The following MAP2 variants were observed in gnomAD, a reference collection of about 807,000 sequenced individuals.
The protein encoded by MAP2 is microtubule-associated protein 2.
In MAP2, 14 loss-of-function variants were observed where a neutral mutation model predicts 137.6. The observed-to-expected ratio is 0.10, with a 90% CI of 0.07 to 0.16. The LOEUF (loss-of-function observed/expected upper bound fraction) is 0.16. Among genes scored for constraint, MAP2 ranks in the 10% least tolerant of loss-of-function variants. The pLI is 1.00. For synonymous variants in MAP2, 786 were observed against 782.3 expected, an observed-to-expected ratio of 1.00 and a Z score of -0.08; for missense variants, 2,088 against 2,191.5, an observed-to-expected ratio of 0.95 and a Z score of 0.94.
Position 209,695,101 on chromosome 2 carries a change from C to G in MAP2, c.2931C>G (p.Ala977=). The change falls in exon 8 of 16, where the codon GCC becomes GCG. Residue 977 remains alanine, a synonymous_variant. Coordinates refer to ENST00000682079, the MANE Select transcript of MAP2 (RefSeq NM_001375505.1). ...SEEHADSKEH[A]KKTEEAGDEI... is the part of the protein sequence containing the mutation. ...AACATGCTGATTCAAAAGAACATGCCAAGAAAACTGAAGAGGCTGGTGATG... is the reference window on the plus strand; with the variant it reads ...AACATGCTGATTCAAAAGAACATGCGAAGAAAACTGAAGAGGCTGGTGATG... 1 of 1,613,998 alleles carries G rather than the reference C, an allele frequency of 6.2e-7. No individual in the cohort carries two copies. The highest frequency in any genetic ancestry group is 8.5e-7 in the Non-Finnish European group (1 of 1,179,990).
chr2:209,724,608 AAG>A (rs1158581666), intron 13 of MAP2, among the ~76,000 whole-genome samples: 1 of 151,392 alleles, frequency 6.6e-6, no homozygotes, highest in Admixed American at 6.6e-5. Flanking sequence ...AGAGAGAGAG[AAG>A]CAAGTGCCTT....
chr2:209,548,066 C>T (rs1253419775), intron 2 of MAP2, among the ~76,000 whole-genome samples: 1 of 152,174 alleles, frequency 6.6e-6, no homozygotes, highest in African/African-American at 2.4e-5. Flanking sequence ...AAATTGAATG[C>T]TGTTTATTAG....
intron 5 of MAP2, among the ~76,000 whole-genome samples, chr2:209,669,765 T>G (rs905281974): frequency 2.6e-5 from 4 of 151,606 alleles, no homozygotes; most frequent in African/African-American, 9.7e-5. Context: ...GCATGAGTCC[T>G]AACATGTGCA....
chr2:209,724,851 G>A (rs1441075630), intron 13 of MAP2, among the ~76,000 whole-genome samples: 1 of 152,220 alleles, frequency 6.6e-6, no homozygotes, highest in Non-Finnish European at 1.5e-5. Context: ...ATTACCTTGA[G>A]GGTATCAGAG....
intron 3 of MAP2, among the ~76,000 whole-genome samples, chr2:209,585,840 T>C (rs569618881): frequency 5.3e-5 from 8 of 152,120 alleles, no homozygotes; most frequent in Non-Finnish European, 7.4e-5. Context: ...AATTTGGTGG[T>C]TTCAAAATGA....
At chr2:209,711,050 A>T (rs1214158766) in intron 13 of MAP2, among the ~76,000 whole-genome samples, 1 of 152,200 alleles carries the variant, frequency 6.6e-6, no homozygotes, top group African/African-American at 2.4e-5. Flanking sequence ...CATAATATTG[A>T]TCTATTCAGG....
intron 3 of MAP2, among the ~76,000 whole-genome samples, chr2:209,621,416 G>T (rs1398844893): frequency 6.6e-6 from 1 of 151,174 alleles, no homozygotes; most frequent in African/African-American, 2.4e-5. Context: ...GCACCACCAT[G>T]CCCAGCTAAT....
At chr2:209,634,329 G>A (rs1184493272) in intron 4 of MAP2, among the ~76,000 whole-genome samples, 4 of 152,158 alleles carry the variant, frequency 2.6e-5, no homozygotes, top group Non-Finnish European at 5.9e-5. Context: ...ATAACAAACA[G>A]ATCTAGAAAT....
intron 3 of MAP2, among the ~76,000 whole-genome samples, chr2:209,598,824 C>T (rs2082156689): frequency 6.6e-6 from 1 of 150,580 alleles, no homozygotes; most frequent in Admixed American, 6.6e-5. Flanking sequence ...ATATGTGCCA[C>T]ATTTTCTTAA....
In MAP2 at chr2:209,697,013, G is replaced by A. The variant is rs780151631; in HGVS notation, c.4484G>A (p.Arg1495Lys). 1.9e-6 allele frequency: 3 copies of A among 1,612,934 alleles called. No individual in the cohort carries two copies. Among genetic ancestry groups the A allele is most frequent in the South Asian group, 2.2e-5 (2 of 90,804 alleles). ...TTAAAACCTGCTATCAAATATACTA[G>A]ACCAACTCATCTCTCCTGTGTTAAG... is the stretch of plus-strand genomic sequence containing the variant. ...FILKPAIKYT[R>K]PTHLSCVKRK... Residue 1495 changes from arginine (R) to lysine (K), a missense_variant, in exon 10 of 16, where the codon AGA becomes AAA. Around this residue, in one of 6 missense-constraint regions of MAP2, gnomAD observed 591 missense variants for 642.6 expected, o/e 0.92. Transcript: ENST00000682079.
intron 5 of MAP2, among the ~76,000 whole-genome samples, chr2:209,665,431 T>C (rs1272578237): frequency 8.5e-5 from 13 of 152,194 alleles, no homozygotes. Flanking sequence ...TAAATGGAAC[T>C]CTATAATGCA....
intron 13 of MAP2, among the ~76,000 whole-genome samples, chr2:209,717,402 C>T (rs1311769848): frequency 6.6e-6 from 1 of 152,140 alleles, no homozygotes; most frequent in Non-Finnish European, 1.5e-5. Flanking sequence ...CCAATCTCCT[C>T]CCACCAGGTC....
chr2:209,654,071 T>G (rs906289419), intron 5 of MAP2, among the ~76,000 whole-genome samples: 1 of 152,168 alleles, frequency 6.6e-6, no homozygotes, highest in Admixed American at 6.5e-5. Context: ...AGCAGATTAT[T>G]TCTGCTTTGG....
intron 3 of MAP2, among the ~76,000 whole-genome samples, chr2:209,582,670 GATAGATAGATAGA>G (rs2076739268): frequency 3.5e-5 from 1 of 28,426 alleles, no homozygotes; most frequent in Non-Finnish European, 6.8e-4. Context: ...TAGATAGATA[GATAGATAGATAGA>G]TAGATAGATA....
At chr2:209,651,678 AC>A (rs374353379) in intron 4 of MAP2, among the ~76,000 whole-genome samples, 114 of 152,292 alleles carry the variant, frequency 7.5e-4, no homozygotes, top group African/African-American at 2.7e-3. Context: ...CTAAATTTTT[AC>A]ATCCTGTTTA....
At chr2:209,484,782 A>T (rs1473132577) in intron 1 of MAP2, among the ~76,000 whole-genome samples, 1 of 152,236 alleles carries the variant, frequency 6.6e-6, no homozygotes, top group Non-Finnish European at 1.5e-5. Context: ...TTGTGCTTTT[A>T]TTCTGCCTTT....
chr2:209,437,525 A>G (rs1459972490), intron 1 of MAP2, among the ~76,000 whole-genome samples: 1 of 151,540 alleles, frequency 6.6e-6, no homozygotes, highest in Admixed American at 6.6e-5. Context: ...TAATAGGTAG[A>G]TATTGTGGAT....
In MAP2 at chr2:209,692,868, G is replaced by T; in HGVS notation, c.698G>T (p.Ser233Ile). 5 of 1,613,944 alleles carry T rather than the reference G, an allele frequency of 3.1e-6. No individual in the cohort carries two copies. The highest frequency in any genetic ancestry group is 4.2e-6 in the Non-Finnish European group (5 of 1,179,934). Residue 233 changes from serine to isoleucine, a missense_variant, in exon 8 of 16, where the codon AGC becomes ATC. Around this residue, in one of 6 missense-constraint regions of MAP2, gnomAD observed 859 missense variants for 794.5 expected, o/e 1.08. Transcript: ENST00000682079. ...TTGTTTGGGCACACTCTTGTTGCCA[G>T]CCTGGAAGACATGAAACAGAAGACA... ...LALFGHTLVA[S>I]LEDMKQKTEP...
chr2:209,576,969 G>A (rs1281413401), intron 2 of MAP2, among the ~76,000 whole-genome samples: 1 of 152,198 alleles, frequency 6.6e-6, no homozygotes, highest in Non-Finnish European at 1.5e-5. Context: ...GACCTCCAGA[G>A]AGTATTAAAT....
Sources: gnomAD v4.1 joint callset for allele counts (sites outside exome capture counted in the v4.1 genomes callset) on GRCh38, gnomAD v4.1.1 for gene constraint, gnomAD v4.1.1 regional missense constraint, MANE v1.5 for transcripts, NCBI Gene and HGNC (gene_info 2026-07-23, HGNC 2026-07-21) for gene names.